MAST4: variants seen among roughly 807,000 people sequenced by gnomAD.
MAST4 encodes the protein microtubule associated serine/threonine kinase family member 4, also known as microtubule-associated serine/threonine-protein kinase 4.
A neutral mutation model predicts 162.7 loss-of-function variants in MAST4; 89 were observed. The ratio of observed to expected loss-of-function variants is 0.55; its 90% confidence interval spans 0.46 to 0.65. MAST4 has a LOEUF of 0.65. MAST4 is among the 30% of genes least tolerant of loss of function. The probability of loss-of-function intolerance (pLI) is 0.00; values close to 1 mark genes in which losing one functional copy is unlikely to be tolerated. For missense variants in MAST4, 3,153 were observed against 3,374.0 expected (o/e 0.93, Z 1.62); for synonymous variants, 1,479 against 1,361.1 (o/e 1.09, Z -1.91).
intron 3 of MAST4, among the ~76,000 whole-genome samples, chr5:66,852,252 G>A (rs1295088578): frequency 6.6e-6 from 1 of 152,068 alleles, no homozygotes; most frequent in African/African-American, 2.4e-5. Flanking sequence ...GGCTCAGGTG[G>A]TCCTCCCACC....
chr5:66,688,525 T>G (rs1580200979), intron 1 of MAST4, among the ~76,000 whole-genome samples: 1 of 152,208 alleles, frequency 6.6e-6, no homozygotes, highest in South Asian at 2.1e-4. Context: ...ACTGGGACCC[T>G]GACCTATGTT....
intron 1 of MAST4, among the ~76,000 whole-genome samples, chr5:66,755,518 T>C (rs1753483447): frequency 6.6e-6 from 1 of 152,214 alleles, no homozygotes; most frequent in Non-Finnish European, 1.5e-5. Flanking sequence ...CTAGGGCATA[T>C]AGCCGTAGAT....
intron 1 of MAST4, chr5:66,622,933 G>C (rs898995591): frequency 6.6e-6 from 1 of 152,304 alleles, no homozygotes; most frequent in Non-Finnish European, 1.5e-5. Flanking sequence ...TAGGTGCCCT[G>C]TTCCTAAGGC....
chr5:66,877,181 A>G (rs1761359678), intron 3 of MAST4, among the ~76,000 whole-genome samples: 1 of 152,180 alleles, frequency 6.6e-6, no homozygotes, highest in African/African-American at 2.4e-5. Flanking sequence ...CTCCACAAGA[A>G]TAAATTGGTA....
Position 67,165,164 on chromosome 5 carries a change from GC to G in MAST4, c.5988del (p.Ser1997ProfsTer79). 6.2e-7 allele frequency: 1 copy of G among 1,600,694 alleles called. No homozygotes were observed. The highest frequency in any genetic ancestry group is 8.5e-7 in the Non-Finnish European group (1 of 1,173,432). On this transcript the variant is annotated frameshift_variant, in exon 29 of 29. Coordinates refer to ENST00000403625, the MANE Select transcript of MAST4 (RefSeq NM_001164664.2). LOFTEE classifies it low-confidence loss of function (END_TRUNC). ...SAARADTCRE[P>X]SMELCFPETA... Reference sequence around the variant, plus strand: ...CTGCGAGGGCTGACACATGCAGAGAGCCCTCCATGGAACTGTGCTTTCCAGA... The same window carrying G: ...CTGCGAGGGCTGACACATGCAGAGAGCCTCCATGGAACTGTGCTTTCCAGA...
chr5:67,060,366 A>T (rs1215614781), intron 5 of MAST4, among the ~76,000 whole-genome samples: 1 of 152,122 alleles, frequency 6.6e-6, no homozygotes, highest in Non-Finnish European at 1.5e-5. Context: ...TAAGGTGGAG[A>T]TAGGGAAAAA....
At chr5:67,144,448 G>A (rs1397716103) in intron 21 of MAST4, among the ~76,000 whole-genome samples, 1 of 102,586 alleles carries the variant, frequency 9.7e-6, no homozygotes, top group Non-Finnish European at 2.1e-5. Flanking sequence ...CTCCCTATTC[G>A]TATATATGTA....
rs201908337 is a variant in MAST4, at chr5:67,062,377, G to A, written c.763+7885G>A. On this transcript the variant is annotated intron_variant, in intron 5 of 28. Transcript: ENST00000403625. ...CACGCCACTGCACTCCAGCCTGGGC[G>A]ACAGAGCAAGATGGTCCCCAAAAAA... Among the ~76,000 whole-genome samples, 17 of 152,122 alleles carry A rather than the reference G, an allele frequency of 1.1e-4. No individual in the cohort carries two copies. In the East Asian group the frequency reaches 2.1e-3, roughly 19 times the overall value.
At chr5:67,049,371 T>C (rs1238838441) in intron 4 of MAST4, among the ~76,000 whole-genome samples, 2 of 152,070 alleles carry the variant, frequency 1.3e-5, no homozygotes, top group Non-Finnish European at 2.9e-5. Context: ...TGTGAAGAAA[T>C]GGAGACAGAA....
At chr5:66,654,424 G>C (rs1746421537) in intron 1 of MAST4, among the ~76,000 whole-genome samples, 1 of 152,208 alleles carries the variant, frequency 6.6e-6, no homozygotes, top group Non-Finnish European at 1.5e-5. Context: ...TGGGAGCCCA[G>C]AGGTAGAGAT....
intron 1 of MAST4, among the ~76,000 whole-genome samples, chr5:66,665,211 T>C (rs1169382692): frequency 2.0e-5 from 3 of 151,518 alleles, no homozygotes; most frequent in Non-Finnish European, 3.0e-5. Context: ...GACAAGCAAG[T>C]CTTTGATTGT....
intron 4 of MAST4, among the ~76,000 whole-genome samples, chr5:66,925,124 T>C: frequency 6.6e-6 from 1 of 152,206 alleles, no homozygotes; most frequent in Non-Finnish European, 1.5e-5. Flanking sequence ...TGATAATTAT[T>C]GATTTTTGGC....
chr5:67,120,863 G>T (rs1581632745), intron 13 of MAST4, among the ~76,000 whole-genome samples, 154 bp from the exon 14 acceptor site: 1 of 152,152 alleles, frequency 6.6e-6, no homozygotes, highest in African/African-American at 2.4e-5. Flanking sequence ...TGTGGATGAT[G>T]GCTCTGTAAA....
intron 1 of MAST4, among the ~76,000 whole-genome samples, chr5:66,634,077 G>T (rs189275727): frequency 3.2e-4 from 49 of 152,190 alleles, no homozygotes; most frequent in African/African-American, 1.2e-3. Flanking sequence ...TATTTATTTA[G>T]AGACAGAGTT....
intron 3 of MAST4, among the ~76,000 whole-genome samples, chr5:66,876,014 G>T (rs781338226): frequency 1.1e-4 from 17 of 152,134 alleles, no homozygotes; most frequent in Non-Finnish European, 2.2e-4. Context: ...CAATCCTCCT[G>T]CCTTGGCCAC....
intron 4 of MAST4, among the ~76,000 whole-genome samples, chr5:66,991,764 C>T (rs975605525): frequency 6.6e-6 from 1 of 152,196 alleles, no homozygotes; most frequent in Non-Finnish European, 1.5e-5. Flanking sequence ...TCTGATGCCA[C>T]TCTAGATGTT....
chr5:66,942,677 A>G (rs1472521868), intron 4 of MAST4, among the ~76,000 whole-genome samples: 1 of 152,096 alleles, frequency 6.6e-6, no homozygotes, highest in East Asian at 1.9e-4. Flanking sequence ...AAAAATGTTT[A>G]TTGATCTCTT....
chr5:67,060,896 G>A (rs1759490722), intron 5 of MAST4, among the ~76,000 whole-genome samples: 1 of 152,280 alleles, frequency 6.6e-6, no homozygotes, highest in Non-Finnish European at 1.5e-5. Flanking sequence ...TGCCAACCAA[G>A]CACTTACTTG....
intron 5 of MAST4, among the ~76,000 whole-genome samples, chr5:67,057,888 G>C (rs1310119495): frequency 1.3e-5 from 2 of 150,774 alleles, no homozygotes; most frequent in Non-Finnish European, 2.9e-5. Flanking sequence ...CAAATAGCAT[G>C]ACATAAGGAA....
Sources: gnomAD v4.1 joint callset for allele counts (sites outside exome capture counted in the v4.1 genomes callset) on GRCh38, gnomAD v4.1.1 for gene constraint, MANE v1.5 for transcripts, NCBI Gene and HGNC (gene_info 2026-07-23, HGNC 2026-07-21) for gene names.